ZNF32: variants seen among roughly 807,000 people sequenced by gnomAD.
ZNF32 encodes zinc finger protein 32, also known as C2H2-546.
In ZNF32, 13 loss-of-function variants were observed where a neutral mutation model predicts 24.4. That is an observed-to-expected ratio of 0.53 (90% CI 0.35 to 0.85). The LOEUF (loss-of-function observed/expected upper bound fraction) is 0.85. Ranked by LOEUF, ZNF32 falls within the 40% of genes least tolerant of loss-of-function variation. The probability of loss-of-function intolerance (pLI) is 0.01; values close to 1 mark genes in which losing one functional copy is unlikely to be tolerated. For synonymous variants in ZNF32, 115 were observed against 117.4 expected (o/e 0.98, Z 0.13); for missense variants, 239 against 325.3 (o/e 0.73, Z 2.04).
chr10:43,644,617 G>C lies in ZNF32; in HGVS notation c.255C>G (p.Ser85=), dbSNP rs1353277526. The change falls in exon 3 of 3, where the codon TCC becomes TCG. Residue 85 remains serine, a synonymous_variant. Coordinates refer to ENST00000374433, the MANE Select transcript of ZNF32 (RefSeq NM_006973.3). This position sits in a 1 kb window ranked among gnomAD's most constrained non-coding sequence, Gnocchi z 5.3. ...ACGTTAGACTACCTTTTTGCCGGAA[G>C]GATTTTCCACACTCCTGGCACTCAT... ...RVYECQECGK[S]FRQKGSLTLH... The C allele has an allele frequency of 6.2e-6, 10 of 1,613,684 alleles. No homozygotes were observed. Among genetic ancestry groups the C allele is most frequent in the Non-Finnish European group, 8.5e-6 (10 of 1,179,914 alleles).
chr10:43,644,924 G>A lies in ZNF32; in HGVS notation c.71-123C>T. On this transcript the variant is annotated intron_variant, in intron 2 of 2. Coordinates refer to ENST00000374433, the MANE Select transcript of ZNF32 (RefSeq NM_006973.3). The surrounding 1 kb of genome is among the most constrained non-coding windows in gnomAD (Gnocchi z 5.3). ...AGGCCTTATTCTTTGCATAGACAAT[G>A]CAATCCTGAAAACAATGCCATGAGA... 3.6e-6 allele frequency: 4 copies of A among 1,115,358 alleles called. No homozygotes were observed. The highest frequency in any genetic ancestry group is 2.6e-5 in the East Asian group (1 of 38,966). 69.1% of individuals were successfully genotyped at this position (1,115,358 alleles called of 1,614,324 possible).
In ZNF32 at chr10:43,644,537, T is replaced by C. The variant is rs775105539; in HGVS notation, c.335A>G (p.Lys112Arg). ...AAGATTGCCTTTGGCCCTGAAGCTT[T>C]TTCCACAGTGGGTGCACTCAAAAGG... Reference protein sequence around the residue: ...QKPFECTHCGKSFRAKGNLVT... With the variant: ...QKPFECTHCGRSFRAKGNLVT... The change falls in exon 3 of 3, where the codon AAA becomes AGA. Residue 112 changes from lysine to arginine, a missense_variant. Transcript: ENST00000374433. This position sits in a 1 kb window ranked among gnomAD's most constrained non-coding sequence, Gnocchi z 5.3. 3 of 1,614,036 alleles carry C rather than the reference T, an allele frequency of 1.9e-6. No homozygotes were observed. Among genetic ancestry groups the C allele is most frequent in the South Asian group, 2.2e-5 (2 of 91,078 alleles).
In ZNF32 at chr10:43,644,654, C is replaced by T; in HGVS notation, c.218G>A (p.Arg73Lys). 6.2e-7 allele frequency: 1 copy of T among 1,614,178 alleles called. No homozygotes were observed. Among genetic ancestry groups the T allele is most frequent in the Non-Finnish European group, 8.5e-7 (1 of 1,180,028 alleles). The change falls in exon 3 of 3, where the codon AGA (arginine) becomes AAA (lysine). Residue 73 changes from arginine to lysine, a missense_variant. Transcript: ENST00000374433. The surrounding 1 kb of genome is among the most constrained non-coding windows in gnomAD (Gnocchi z 5.3). ...KTLQEDSPGV[R>K]QRVYECQECG... ...CTCCTGGCACTCATAGACCCTTTGTCTCACTCCAGGTGAATCTTCCTGTAG... is the reference window on the plus strand; with the variant it reads ...CTCCTGGCACTCATAGACCCTTTGTTTCACTCCAGGTGAATCTTCCTGTAG...
In ZNF32 at chr10:43,644,334, T is replaced by C. The variant is rs1839205608; in HGVS notation, c.538A>G (p.Arg180Gly). The C allele has an allele frequency of 6.2e-7, 1 of 1,614,092 alleles. No homozygotes were observed. The highest frequency in any genetic ancestry group is 1.3e-5 in the African/African-American group (1 of 75,064). Residue 180 changes from arginine to glycine, a missense_variant, in exon 3 of 3, where the codon AGG becomes GGG. Transcript: ENST00000374433. This position sits in a 1 kb window ranked among gnomAD's most constrained non-coding sequence, Gnocchi z 5.3. ...GGCTTCTCACCACTGTGAACTCTCC[T>C]GTGAACAGCAAGGTTACTCTGATTC... ...FRNQSNLAVH[R>G]RVHSGEKPYR... is the part of the protein sequence containing the mutation.
In ZNF32 at chr10:43,644,428, G is replaced by A. The variant is rs142613494; in HGVS notation, c.444C>T (p.Leu148=). ...CAGTGTGGAGTCTCTCGTGGACAGCGAGACTACCTCGTTGACTGAAGCTTT... is the reference window on the plus strand; with the variant it reads ...CAGTGTGGAGTCTCTCGTGGACAGCAAGACTACCTCGTTGACTGAAGCTTT... The part of the protein sequence containing the change: ...CGKSFSQRGS[L]AVHERLHTGQ... Residue 148 remains leucine, a synonymous_variant, in exon 3 of 3, where the codon CTC becomes CTT. Coordinates refer to ENST00000374433, the MANE Select transcript of ZNF32 (RefSeq NM_006973.3). The surrounding 1 kb of genome is among the most constrained non-coding windows in gnomAD (Gnocchi z 5.3). 8.3e-4 allele frequency: 1,335 copies of A among 1,614,090 alleles called. 4 individuals carry two copies. The highest frequency in any genetic ancestry group is 2.6e-3 in the African/African-American group (198 of 75,034).
chr10:43,646,328 C>A, intron 1 of ZNF32, 126 bp from the exon 2 acceptor site: 1 of 621,084 alleles, frequency 1.6e-6, no homozygotes. Flanking sequence ...GACATAATGT[C>A]AGTTACTAAA....
intron 1 of ZNF32, chr10:43,647,758 A>T (rs1276079955): frequency 6.6e-6 from 1 of 152,274 alleles, no homozygotes; most frequent in Non-Finnish European, 1.5e-5. Context: ...ACACATTAAA[A>T]GTCCCTGGGG....
At position 43,644,109 on chromosome 10, in the gene ZNF32, T is replaced by TGAA; in HGVS notation, c.760_762dup (p.Phe254dup). On this transcript the variant is annotated inframe_insertion, in exon 3 of 3. Transcript: ENST00000374433. This position sits in a 1 kb window ranked among gnomAD's most constrained non-coding sequence, Gnocchi z 5.3. ...TGCACAGCCAGACTCCCTCTCTGGG[T>TGAA]GAAGCTTTTTCCACACTGGCCGCAC... 6.2e-7 allele frequency: 1 copy of TGAA among 1,614,164 alleles called. No homozygotes were observed. The highest frequency in any genetic ancestry group is 8.5e-7 in the Non-Finnish European group (1 of 1,180,034).
At position 43,644,055 on chromosome 10, in the gene ZNF32, G is replaced by C; in HGVS notation, c.817C>G (p.Leu273Val). ...ACTTCTCTTCAGGAAAGTGGTCAAAGGGTGAGCCTCTGTGAGCAGCTTCGC... is the reference window on the plus strand; with the variant it reads ...ACTTCTCTTCAGGAAAGTGGTCAAACGGTGAGCCTCTGTGAGCAGCTTCGC... ...HQRSCSQRLT[L>V] The change falls in exon 3 of 3, where the codon CTT (leucine) becomes GTT (valine). Residue 273 changes from leucine to valine, a missense_variant. Coordinates refer to ENST00000374433, the MANE Select transcript of ZNF32 (RefSeq NM_006973.3). This position sits in a 1 kb window ranked among gnomAD's most constrained non-coding sequence, Gnocchi z 5.3. The C allele has an allele frequency of 6.2e-7, 1 of 1,611,228 alleles. No individual in the cohort carries two copies. Among genetic ancestry groups the C allele is most frequent in the Admixed American group, 1.7e-5 (1 of 59,586 alleles).
intron 1 of ZNF32, chr10:43,647,137 G>A (rs1402510554): frequency 6.6e-6 from 1 of 152,126 alleles, no homozygotes; most frequent in Non-Finnish European, 1.5e-5. Context: ...CTCAATTACA[G>A]CTTGCTGTGA....
chr10:43,644,651 T>C lies in ZNF32; in HGVS notation c.221A>G (p.Gln74Arg), dbSNP rs775158350. The change falls in exon 3 of 3, where the codon CAA becomes CGA. Residue 74 changes from glutamine (Q) to arginine (R), a missense_variant. Physicochemically the swap from Gln to Arg is conservative, Grantham distance 43 (BLOSUM62 1). Transcript: ENST00000374433. This position sits in a 1 kb window ranked among gnomAD's most constrained non-coding sequence, Gnocchi z 5.3. ...ACACTCCTGGCACTCATAGACCCTT[T>C]GTCTCACTCCAGGTGAATCTTCCTG... ...TLQEDSPGVRQRVYECQECGK... is the reference protein window; with the variant it reads ...TLQEDSPGVRRRVYECQECGK... 26 of 1,614,092 alleles carry C rather than the reference T, an allele frequency of 1.6e-5. No individual in the cohort carries two copies. Among genetic ancestry groups the C allele is most frequent in the Non-Finnish European group, 2.2e-5 (26 of 1,180,044 alleles).
intron 1 of ZNF32, among the ~76,000 whole-genome samples, chr10:43,646,776 T>C (rs1386403088): frequency 6.6e-6 from 1 of 152,216 alleles, no homozygotes; most frequent in East Asian, 1.9e-4. Context: ...TTGTCAATTC[T>C]TGGAAAAGAA....
chr10:43,646,348 C>A, intron 1 of ZNF32, 146 bp from the exon 2 acceptor site: 1 of 555,316 alleles, frequency 1.8e-6, no homozygotes, highest in East Asian at 3.2e-5. Context: ...AATATCACTG[C>A]AAAATGGGCC....
chr10:43,646,461 T>C (rs3814561), intron 1 of ZNF32, among the ~76,000 whole-genome samples: 44,281 of 152,036 alleles, frequency 0.29, 6,725 homozygotes, highest in East Asian at 0.53. Flanking sequence ...CCCAAGTTAA[T>C]AGTCACTCCT....
Position 43,644,749 on chromosome 10 carries a change from G to GGAT in ZNF32, c.120_122dup (p.Ser43dup). 1 of 1,613,460 alleles carries GGAT rather than the reference G, an allele frequency of 6.2e-7. No individual in the cohort carries two copies. Among genetic ancestry groups the GGAT allele is most frequent in the Non-Finnish European group, 8.5e-7 (1 of 1,179,708 alleles). On this transcript the variant is annotated inframe_insertion, in exon 3 of 3. Coordinates refer to ENST00000374433, the MANE Select transcript of ZNF32 (RefSeq NM_006973.3). This position sits in a 1 kb window ranked among gnomAD's most constrained non-coding sequence, Gnocchi z 5.3. Reference sequence around the variant, plus strand: ...AAGAATTTTGGATATCCCAGCTTGAGGATCCTGTAGCCTCAGAGTGGTCAT... The same window carrying GGAT: ...AAGAATTTTGGATATCCCAGCTTGAGGATGATCCTGTAGCCTCAGAGTGGTCAT...
At position 43,644,125 on chromosome 10, in the gene ZNF32, C is replaced by A. The variant is rs1338034168; in HGVS notation, c.747G>T (p.Gln249His). ...CTCTCTGGGTGAAGCTTTTTCCACA[C>A]TGGCCGCACAGATAGGGTGTCTCTC... ...HTGETPYLCG[Q>H]CGKSFTQRGS... is the part of the protein sequence containing the mutation. The change falls in exon 3 of 3, where the codon CAG becomes CAT. Residue 249 changes from glutamine to histidine, a missense_variant. Transcript: ENST00000374433. This position sits in a 1 kb window ranked among gnomAD's most constrained non-coding sequence, Gnocchi z 5.3. The A allele has an allele frequency of 2.5e-6, 4 of 1,614,062 alleles. No individual in the cohort carries two copies. Among genetic ancestry groups the A allele is most frequent in the Non-Finnish European group, 2.5e-6 (3 of 1,180,032 alleles).
chr10:43,648,717 G>C (rs1425279370), intron 1 of ZNF32, 85 bp downstream of exon 1: 1 of 152,104 alleles, frequency 6.6e-6, no homozygotes, highest in African/African-American at 2.4e-5. Flanking sequence ...GCATAAGGCG[G>C]CCACACGGAG....
intron 1 of ZNF32, 141 bp from the exon 2 acceptor site, chr10:43,646,343 C>T: frequency 1.7e-6 from 1 of 578,336 alleles, no homozygotes; most frequent in Non-Finnish European, 3.0e-6. Flanking sequence ...ACTAAAATAT[C>T]ACTGCAAAAT....
intron 1 of ZNF32, chr10:43,648,519 C>A (rs1307295650): frequency 6.6e-6 from 1 of 152,160 alleles, no homozygotes; most frequent in Non-Finnish European, 1.5e-5. Context: ...TGCTCCTCTC[C>A]GCAGACGCTG....
Sources: gnomAD v4.1 joint callset for allele counts (sites outside exome capture counted in the v4.1 genomes callset) on GRCh38, gnomAD v4.1.1 for gene constraint, Gnocchi (gnomAD v3.1) non-coding constraint, MANE v1.5 for transcripts, NCBI Gene and HGNC (gene_info 2026-07-23, HGNC 2026-07-21) for gene names.